Variants in CTBP2 observed in about 807,000 individuals in gnomAD.
The protein encoded by CTBP2 is C-terminal-binding protein 2.
In CTBP2, 30 loss-of-function variants were observed where a neutral mutation model predicts 80.3. That is an observed-to-expected ratio of 0.37 (90% CI 0.28 to 0.51). The LOEUF (loss-of-function observed/expected upper bound fraction) is 0.51, where lower values mean the gene tolerates loss of function less well. Among genes scored for constraint, CTBP2 ranks in the 20% least tolerant of loss-of-function variants. CTBP2 has a pLI of 0.93. For missense variants in CTBP2, 1,212 were observed against 1,375.3 expected (o/e 0.88, Z 1.88); for synonymous variants, 594 against 587.4 (o/e 1.01, Z -0.16).
rs937620194 is a variant in CTBP2, at chr10:125,023,280, C to T, written c.1678+2802G>A. On this transcript the variant is annotated intron_variant, in intron 1 of 8. Coordinates refer to ENST00000309035, the MANE Select transcript of CTBP2 (RefSeq NM_022802.3). ...TTTGTGGCTCTTTGGGCTGGGACTG[C>T]GTTTCTCACATCTGAAACTTTGCCC... is the stretch of plus-strand genomic sequence containing the variant. Among the ~76,000 whole-genome samples, 19 of 152,320 alleles carry T rather than the reference C, an allele frequency of 1.2e-4. No homozygotes were observed. In the Middle Eastern group the frequency reaches 0.014, roughly 109 times the overall value.
intron 2 of CTBP2, among the ~76,000 whole-genome samples, chr10:125,090,761 A>AT (rs1554917810): frequency 5.3e-5 from 8 of 152,036 alleles, no homozygotes; most frequent in East Asian, 1.9e-4. Flanking sequence ...CTCAAAAAAA[A>AT]AAATAAATAA....
chr10:125,031,134 C>T (rs981669003), upstream of CTBP2, among the ~76,000 whole-genome samples: 1 of 152,170 alleles, frequency 6.6e-6, no homozygotes, highest in Admixed American at 6.5e-5. Context: ...ATGTGGACAG[C>T]CTGTGCTGGA....
At chr10:125,151,849 C>T (rs138107540) in intron 1 of CTBP2, among the ~76,000 whole-genome samples, 139 of 152,326 alleles carry the variant, frequency 9.1e-4, no homozygotes, top group Middle Eastern at 3.4e-3. Context: ...GGACCCCCGC[C>T]GCCCCGGGTC....
At position 124,997,622 on chromosome 10, in the gene CTBP2, C is replaced by T. The variant is rs921040474; in HGVS notation, c.2185+342G>A. Reference sequence around the variant, plus strand: ...AGCCCCAAGCCTGGCTGCTGCTTTACGACACACCTCCATACAGCCCCTGCC... The same window carrying T: ...AGCCCCAAGCCTGGCTGCTGCTTTATGACACACCTCCATACAGCCCCTGCC... On this transcript the variant is annotated intron_variant, in intron 4 of 8. Coordinates refer to ENST00000309035, the MANE Select transcript of CTBP2 (RefSeq NM_022802.3). 22 of 331,464 alleles carry T rather than the reference C, an allele frequency of 6.6e-5. 1 individual carries two copies. The highest frequency in any genetic ancestry group is 6.0e-5 in the East Asian group (1 of 16,540). The allele number at this position is 331,464 out of a possible 1,614,324, so 20.5% of individuals were successfully genotyped here.
intron 1 of CTBP2, among the ~76,000 whole-genome samples, chr10:125,129,136 T>C (rs1855741522): frequency 6.6e-6 from 1 of 152,192 alleles, no homozygotes; most frequent in African/African-American, 2.4e-5. Context: ...CATACATGTA[T>C]TATGTAGTAT....
rs572684861 is a variant in CTBP2, at chr10:124,985,272, C to T, written c.*4246G>A. On this transcript the variant is annotated 3_prime_UTR_variant, in exon 9 of 9. Transcript: ENST00000309035. ...ATTGTAAATCTGTCTATAAATGTAA[C>T]GCATGTGGTTGTGTAAGACATTGTT... is the stretch of plus-strand genomic sequence containing the variant. 5.0e-5 allele frequency: 16 copies of T among 318,522 alleles called. No homozygotes were observed. Among genetic ancestry groups the T allele is most frequent in the East Asian group, 1.6e-4 (3 of 18,738 alleles). The allele number at this position is 318,522 out of a possible 1,614,324, so 19.7% of individuals were successfully genotyped here. A position where few individuals can be genotyped will look rare whatever the true frequency, so the allele number is the denominator to read the frequency against.
At chr10:125,107,883 T>C (rs374397841) in intron 2 of CTBP2, among the ~76,000 whole-genome samples, 1 of 152,208 alleles carries the variant, frequency 6.6e-6, no homozygotes, top group Middle Eastern at 3.2e-3. Context: ...TTACGTAATA[T>C]AATAAAAGTT....
chr10:125,086,534 G>A (rs977500609), intron 2 of CTBP2, among the ~76,000 whole-genome samples: 1 of 149,290 alleles, frequency 6.7e-6, no homozygotes, highest in South Asian at 2.1e-4. Context: ...AGAATCGCTT[G>A]AACCTGGGAG....
At position 125,069,887 on chromosome 10, in the gene CTBP2, TC is replaced by T. The variant is rs374304058; in HGVS notation, c.-101-30733del. ...CTTCCTTTTCCATACCCTGCCCCCC[TC>T]CCCCCCCCACACAAACCCCAAAAGA... On this transcript the variant is annotated intron_variant, in intron 2 of 10. Coordinates refer to the CTBP2 transcript ENST00000337195. 1.7e-3 allele frequency among the ~76,000 whole-genome samples: 112 copies of T among 64,674 alleles called. No individual in the cohort carries two copies. In the East Asian group the frequency reaches 0.018, roughly 10 times the overall value. 42.4% of individuals were successfully genotyped at this position (64,674 alleles called of 152,430 possible).
At chr10:125,088,116 GCCA>G (rs1848263371) in intron 2 of CTBP2, 1 of 152,306 alleles carries the variant, frequency 6.6e-6, no homozygotes, top group Non-Finnish European at 1.5e-5. Flanking sequence ...AGCCTATGGA[GCCA>G]CCAAGAGCTA....
chr10:125,095,970 A>T (rs1849484645), intron 2 of CTBP2, among the ~76,000 whole-genome samples: 1 of 152,116 alleles, frequency 6.6e-6, no homozygotes, highest in South Asian at 2.1e-4. Flanking sequence ...CCTCGGCCCT[A>T]ACGCAGCCGT....
chr10:125,017,812 G>A (rs1956641502), intron 1 of CTBP2, among the ~76,000 whole-genome samples: 1 of 152,212 alleles, frequency 6.6e-6, no homozygotes, highest in Non-Finnish European at 1.5e-5. Flanking sequence ...GCCAGCTGGG[G>A]ACCCTGAGCT....
chr10:125,101,553 G>T (rs1269582892), intron 2 of CTBP2, among the ~76,000 whole-genome samples: 8 of 152,206 alleles, frequency 5.3e-5, no homozygotes, highest in African/African-American at 1.7e-4. Flanking sequence ...ACCTTTCACT[G>T]CTTGATAGGA....
intron 2 of CTBP2, among the ~76,000 whole-genome samples, chr10:125,056,607 G>A (rs1963990634): frequency 6.6e-6 from 1 of 152,238 alleles, no homozygotes. Context: ...TCACCCGCCA[G>A]CCCCACAGCT....
chr10:125,078,234 C>A (rs1354146260), intron 2 of CTBP2, among the ~76,000 whole-genome samples: 3 of 147,718 alleles, frequency 2.0e-5, no homozygotes. Flanking sequence ...GAGCCGAGAT[C>A]GCGCCTCTGC....
upstream of CTBP2, among the ~76,000 whole-genome samples, chr10:125,161,891 A>C (rs1399512565): frequency 6.6e-6 from 1 of 152,038 alleles, no homozygotes; most frequent in Non-Finnish European, 1.5e-5. Context: ...CTGACGTCTC[A>C]AGGTTGGAGT....
intron 3 of CTBP2, among the ~76,000 whole-genome samples, chr10:125,001,722 G>A (rs895055121): frequency 4.6e-5 from 7 of 152,146 alleles, no homozygotes; most frequent in African/African-American, 1.7e-4. Context: ...GTGAGTGTAC[G>A]GGCAGCTCCC....
At chr10:125,100,994 AATAAAAGTAATGTGATATTACAT>A (rs1362998427) in intron 2 of CTBP2, among the ~76,000 whole-genome samples, 5 of 152,260 alleles carry the variant, frequency 3.3e-5, no homozygotes, top group Non-Finnish European at 7.3e-5. Context: ...CAGAACTTTT[AATAAAAGTAATGTGATATTACAT>A]CATTCTATCA....
At chr10:125,146,756 A>G (rs1858857882) in intron 1 of CTBP2, among the ~76,000 whole-genome samples, 1 of 152,174 alleles carries the variant, frequency 6.6e-6, no homozygotes, top group South Asian at 2.1e-4. Context: ...CACAGGAAGC[A>G]CAGAGCAGTT....
Sources: gnomAD v4.1 joint callset for allele counts (sites outside exome capture counted in the v4.1 genomes callset) on GRCh38, gnomAD v4.1.1 for gene constraint, MANE v1.5 for transcripts, NCBI Gene and HGNC (gene_info 2026-07-23, HGNC 2026-07-21) for gene names.